Variants in LHFPL3 observed in about 807,000 individuals in gnomAD.
LHFPL3 encodes LHFPL tetraspan subfamily member 3 protein.
LHFPL3 carries 5 observed loss-of-function variants against 19.3 expected under a neutral mutation model. That is an observed-to-expected ratio of 0.26 (90% CI 0.14 to 0.54). LHFPL3 has a LOEUF of 0.54. Ranked by LOEUF, LHFPL3 falls within the 20% of genes least tolerant of loss-of-function variation. LHFPL3 has a pLI of 0.94. For synonymous variants in LHFPL3, 133 were observed against 126.2 expected (o/e 1.05, Z -0.36); for missense variants, 249 against 307.4 (o/e 0.81, Z 1.42).
At chr7:104,357,021 GTCCCC>G (rs1562873595) in intron 1 of LHFPL3, among the ~76,000 whole-genome samples, 16 of 152,098 alleles carry the variant, frequency 1.1e-4, no homozygotes, top group Admixed American at 7.8e-4. Flanking sequence ...GGGACTTGGG[GTCCCC>G]AAATTACTCA....
chr7:104,430,394 A>ATATATATG (rs1791949111), intron 1 of LHFPL3, among the ~76,000 whole-genome samples: 2 of 46,020 alleles, frequency 4.3e-5, no homozygotes, highest in African/African-American at 3.8e-4. Flanking sequence ...ATATATATAT[A>ATATATATG]TATATATATA....
At chr7:104,567,816 G>A (rs1323681969) in intron 1 of LHFPL3, among the ~76,000 whole-genome samples, 1 of 152,156 alleles carries the variant, frequency 6.6e-6, no homozygotes, top group Non-Finnish European at 1.5e-5. Context: ...TGGACATAGT[G>A]CTACTGCAGA....
At chr7:104,544,321 G>T (rs943891278) in intron 1 of LHFPL3, among the ~76,000 whole-genome samples, 2 of 151,978 alleles carry the variant, frequency 1.3e-5, no homozygotes, top group Non-Finnish European at 2.9e-5. Flanking sequence ...AATCTGTATG[G>T]CCCCATAGCC....
intron 2 of LHFPL3, among the ~76,000 whole-genome samples, chr7:104,848,570 T>C (rs903760668): frequency 6.6e-6 from 1 of 151,968 alleles, no homozygotes; most frequent in African/African-American, 2.4e-5. Context: ...AGGATAATCA[T>C]TGTCCTGCTG....
intron 1 of LHFPL3, among the ~76,000 whole-genome samples, chr7:104,598,942 G>C (rs549022214): frequency 4.6e-5 from 7 of 152,150 alleles, no homozygotes; most frequent in Admixed American, 4.6e-4. Context: ...CCTTACAAAA[G>C]TGTCTTGACC....
intron 1 of LHFPL3, among the ~76,000 whole-genome samples, chr7:104,496,104 T>A (rs562299592): frequency 3.6e-4 from 55 of 152,330 alleles, no homozygotes; most frequent in African/African-American, 1.3e-3. Context: ...TATCTCCTAA[T>A]GCTATCCCTC....
chr7:104,707,327 T>A (rs916908926), intron 1 of LHFPL3, among the ~76,000 whole-genome samples: 2 of 152,208 alleles, frequency 1.3e-5, no homozygotes, highest in African/African-American at 2.4e-5. Context: ...CAGCCTGAGA[T>A]GAATAAAACA....
At chr7:104,554,217 G>C (rs369477302) in intron 1 of LHFPL3, among the ~76,000 whole-genome samples, 49 of 151,972 alleles carry the variant, frequency 3.2e-4, no homozygotes, top group Non-Finnish European at 6.5e-4. Context: ...TTGTTTGTTG[G>C]CATCCTCTTC....
intron 1 of LHFPL3, among the ~76,000 whole-genome samples, chr7:104,425,672 T>C (rs1791831965): frequency 6.6e-6 from 1 of 152,228 alleles, no homozygotes; most frequent in African/African-American, 2.4e-5. Context: ...CATCTTTTGG[T>C]GGTTAATTAT....
At chr7:104,329,362 G>T (rs1402233593) in intron 1 of LHFPL3, 138 bp downstream of exon 1, 2 of 1,163,452 alleles carry the variant, frequency 1.7e-6, no homozygotes, top group African/African-American at 3.2e-5. Flanking sequence ...CGAGGTGTGG[G>T]GGGCGGGAGC....
rs181220112 is a variant in LHFPL3, at chr7:104,387,945, C to T, written c.445+58721C>T. 5.3e-5 allele frequency among the ~76,000 whole-genome samples: 8 copies of T among 152,308 alleles called. No individual in the cohort carries two copies. The East Asian group carries it at 1.5e-3, about 29-fold the overall frequency. On this transcript the variant is annotated intron_variant, in intron 1 of 2. Coordinates refer to ENST00000424859, the MANE Select transcript of LHFPL3 (RefSeq NM_199000.3). ...TTTTCTATCCTCCTCCTCCTCCCACCTTCCACCCTCAAGTAGGCCCCAGTG... is the reference window on the plus strand; with the variant it reads ...TTTTCTATCCTCCTCCTCCTCCCACTTTCCACCCTCAAGTAGGCCCCAGTG...
intron 1 of LHFPL3, among the ~76,000 whole-genome samples, chr7:104,670,854 G>GTGCTT (rs1168661822): frequency 7.0e-6 from 1 of 143,816 alleles, no homozygotes; most frequent in Non-Finnish European, 1.6e-5. Context: ...CCAGACCAAT[G>GTGCTT]TGTTTTGTTT....
intron 2 of LHFPL3, among the ~76,000 whole-genome samples, chr7:104,742,536 G>A (rs754097703): frequency 3.6e-4 from 54 of 152,100 alleles, no homozygotes; most frequent in African/African-American, 5.1e-4. Context: ...TGGGAGTGGC[G>A]GTGTGGTGTA....
chr7:104,684,197 A>G (rs768218809), intron 1 of LHFPL3, among the ~76,000 whole-genome samples: 9 of 152,232 alleles, frequency 5.9e-5, no homozygotes, highest in Non-Finnish European at 1.2e-4. Context: ...GAAGCTTCTC[A>G]GGTGAGGATG....
chr7:104,889,202 T>C (rs746004050), intron 2 of LHFPL3, among the ~76,000 whole-genome samples: 2 of 152,240 alleles, frequency 1.3e-5, no homozygotes, highest in Non-Finnish European at 2.9e-5. Context: ...GTATTTAGAC[T>C]ACTGAAGTAA....
intron 1 of LHFPL3, among the ~76,000 whole-genome samples, chr7:104,359,005 G>A (rs553344965): frequency 5.1e-4 from 78 of 152,200 alleles, no homozygotes; most frequent in Non-Finnish European, 9.0e-4. Context: ...TGGATCACCA[G>A]GAAAATGGAC....
chr7:104,893,928 G>A (rs1244717435), intron 2 of LHFPL3, among the ~76,000 whole-genome samples: 3 of 150,024 alleles, frequency 2.0e-5, no homozygotes, highest in Non-Finnish European at 3.0e-5. Flanking sequence ...CTCCAGCCGG[G>A]GCAACAGAAT....
At chr7:104,351,750 A>T (rs1485962388) in intron 1 of LHFPL3, among the ~76,000 whole-genome samples, 1 of 152,246 alleles carries the variant, frequency 6.6e-6, no homozygotes, top group Non-Finnish European at 1.5e-5. Flanking sequence ...CTATAAAGAT[A>T]AATTCAACCT....
intron 2 of LHFPL3, among the ~76,000 whole-genome samples, chr7:104,861,610 G>A (rs1351820063): frequency 6.6e-6 from 1 of 152,078 alleles, no homozygotes; most frequent in Non-Finnish European, 1.5e-5. Flanking sequence ...GGCTAGAGGA[G>A]GAGCCTCCTG....
Sources: gnomAD v4.1 joint callset for allele counts (sites outside exome capture counted in the v4.1 genomes callset) on GRCh38, gnomAD v4.1.1 for gene constraint, MANE v1.5 for transcripts, NCBI Gene and HGNC (gene_info 2026-07-23, HGNC 2026-07-21) for gene names.